The following TRAK2 variants were observed in gnomAD, a reference collection of about 807,000 sequenced individuals.
TRAK2 encodes trafficking kinesin protein 2.
A neutral mutation model predicts 104.6 loss-of-function variants in TRAK2; 81 were observed. The ratio of observed to expected loss-of-function variants is 0.77; its 90% CI spans 0.65 to 0.93. The LOEUF (loss-of-function observed/expected upper bound fraction) is 0.93. TRAK2 is among the 40% of genes least tolerant of loss of function. The pLI is 0.00. For missense variants in TRAK2, 1,002 were observed against 1,089.0 expected, an observed-to-expected ratio of 0.92 and a Z score of 1.12; for synonymous variants, 406 against 394.4, an observed-to-expected ratio of 1.03 and a Z score of -0.35.
chr2:201,405,283 T>C (rs1951584377), intron 3 of TRAK2, among the ~76,000 whole-genome samples: 1 of 152,204 alleles, frequency 6.6e-6, no homozygotes, highest in Non-Finnish European at 1.5e-5. Context: ...GGGCAGAGCC[T>C]GAGGAAAAGT....
chr2:201,422,968 A>C (rs1207531601), intron 1 of TRAK2, among the ~76,000 whole-genome samples: 1 of 152,032 alleles, frequency 6.6e-6, no homozygotes, highest in African/African-American at 2.4e-5. Flanking sequence ...AAGAGACATA[A>C]TAAATAGCAG....
chr2:201,429,004 T>C (rs898299859), intron 1 of TRAK2, among the ~76,000 whole-genome samples: 3 of 152,216 alleles, frequency 2.0e-5, no homozygotes, highest in African/African-American at 4.8e-5. Flanking sequence ...CTTGTGATTT[T>C]TGCACATTGA....
rs1321264126 is a variant in TRAK2, at chr2:201,378,680, A to G, written c.*1863T>C. ...TATATTCACATATAAACCTGCTGGA[A>G]TCCTTTCTGAAACTCTACACTCTAT... On this transcript the variant is annotated 3_prime_UTR_variant, in exon 16 of 16. Coordinates refer to ENST00000332624, the MANE Select transcript of TRAK2 (RefSeq NM_015049.3). 1 of 152,220 alleles carries G rather than the reference A, an allele frequency of 6.6e-6. No individual in the cohort carries two copies. The highest frequency in any genetic ancestry group is 1.5e-5 in the Non-Finnish European group (1 of 68,032). The allele number at this position is 152,220 out of a possible 1,614,324, so 9.4% of individuals were successfully genotyped here.
At chr2:201,433,148 A>T (rs1951855419) in intron 1 of TRAK2, among the ~76,000 whole-genome samples, 1 of 152,216 alleles carries the variant, frequency 6.6e-6, no homozygotes, top group South Asian at 2.1e-4. Context: ...TAAACCACTT[A>T]AAGACTCTAT....
chr2:201,423,813 T>C (rs780253336), intron 1 of TRAK2, among the ~76,000 whole-genome samples: 7 of 152,134 alleles, frequency 4.6e-5, no homozygotes, highest in Non-Finnish European at 7.4e-5. Context: ...CTTAGATCAA[T>C]AGTCATTTAT....
chr2:201,393,089 C>T (rs1449486377), intron 9 of TRAK2, 43 bp from the exon 10 acceptor site: 3 of 1,552,138 alleles, frequency 1.9e-6, no homozygotes, highest in Non-Finnish European at 2.6e-6. Flanking sequence ...CTTCCCAAAA[C>T]AACATTAGGG....
chr2:201,396,080 T>C (rs1331967823), intron 7 of TRAK2, among the ~76,000 whole-genome samples: 4 of 152,178 alleles, frequency 2.6e-5, no homozygotes, highest in Admixed American at 2.6e-4. Flanking sequence ...ACTAGGAATT[T>C]ATTCACTCTC....
At chr2:201,416,129 T>C (rs1951689788) in intron 2 of TRAK2, among the ~76,000 whole-genome samples, 1 of 150,614 alleles carries the variant, frequency 6.6e-6, no homozygotes, top group African/African-American at 2.4e-5. Context: ...AGCTCACTCC[T>C]GTAATCCCAG....
chr2:201,389,743 GCTT>G (rs1559438579), intron 11 of TRAK2, 55 bp downstream of exon 11: 2 of 1,459,780 alleles, frequency 1.4e-6, no homozygotes, highest in African/African-American at 2.8e-5. Flanking sequence ...TTGGATTGTG[GCTT>G]CTTTTTAATT....
chr2:201,398,494 A>T, intron 5 of TRAK2, 140 bp from the exon 6 acceptor site: 2 of 736,880 alleles, frequency 2.7e-6, no homozygotes, highest in East Asian at 2.7e-5. Context: ...TGACTAACGC[A>T]ACAAGTACTA....
chr2:201,383,989 C>T, intron 15 of TRAK2, 122 bp downstream of exon 15: 1 of 683,876 alleles, frequency 1.5e-6, no homozygotes, highest in Non-Finnish European at 2.5e-6. Flanking sequence ...ATTCTAAAGA[C>T]ACATTATCAC....
intron 2 of TRAK2, among the ~76,000 whole-genome samples, chr2:201,414,119 C>A (rs1472138569): frequency 1.3e-5 from 2 of 152,144 alleles, no homozygotes; most frequent in African/African-American, 4.8e-5. Context: ...CAGGTACTCA[C>A]TGAATACTAT....
intron 1 of TRAK2, among the ~76,000 whole-genome samples, chr2:201,434,252 C>T (rs1425068628): frequency 2.0e-5 from 3 of 152,128 alleles, no homozygotes; most frequent in Admixed American, 6.5e-5. Flanking sequence ...CCACTGCGCC[C>T]GGCCCATAAT....
At chr2:201,440,933 C>T (rs1380266081) in intron 1 of TRAK2, among the ~76,000 whole-genome samples, 1 of 152,200 alleles carries the variant, frequency 6.6e-6, no homozygotes, top group African/African-American at 2.4e-5. Context: ...CTGCAAGTTC[C>T]TCAAAGGAAG....
chr2:201,450,961 A>G (rs1373060798), intron 1 of TRAK2, among the ~76,000 whole-genome samples: 2 of 152,166 alleles, frequency 1.3e-5, no homozygotes, highest in African/African-American at 4.8e-5. Flanking sequence ...GCTCTTTCCA[A>G]TACCCTCTCC....
intron 1 of TRAK2, among the ~76,000 whole-genome samples, chr2:201,444,125 C>A (rs750881083): frequency 1.3e-5 from 2 of 151,884 alleles, no homozygotes; most frequent in Non-Finnish European, 2.9e-5. Flanking sequence ...CGCTTGAACC[C>A]GGGAAGCAGA....
chr2:201,436,780 A>G (rs1951882496), intron 1 of TRAK2, among the ~76,000 whole-genome samples: 1 of 152,202 alleles, frequency 6.6e-6, no homozygotes, highest in African/African-American at 2.4e-5. Context: ...GTGTCAAAAG[A>G]AAAACTATAG....
intron 2 of TRAK2, among the ~76,000 whole-genome samples, chr2:201,408,256 T>C (rs1056639350): frequency 6.6e-6 from 1 of 152,234 alleles, no homozygotes; most frequent in African/African-American, 2.4e-5. Context: ...AAATCTGAAT[T>C]ACATACTATC....
At chr2:201,441,448 A>AC (rs1243270956) in intron 1 of TRAK2, among the ~76,000 whole-genome samples, 1 of 152,240 alleles carries the variant, frequency 6.6e-6, no homozygotes, top group Non-Finnish European at 1.5e-5. Flanking sequence ...TTAAAAACTC[A>AC]CAATTGCTAA....
Sources: allele counts gnomAD v4.1 joint callset (sites outside exome capture counted in the v4.1 genomes callset), GRCh38; gene constraint gnomAD v4.1.1; transcripts MANE v1.5; gene names NCBI Gene and HGNC (gene_info 2026-07-23, HGNC 2026-07-21).